Variants in UBAP1 observed in about 807,000 individuals in gnomAD.
UBAP1 encodes ubiquitin-associated protein 1.
A neutral mutation model predicts 39.0 loss-of-function variants in UBAP1; 5 were observed. The observed-to-expected ratio is 0.13, with a 90% CI of 0.07 to 0.27. The LOEUF (loss-of-function observed/expected upper bound fraction) is 0.27. UBAP1 is among the 10% of genes least tolerant of loss of function. UBAP1 has a pLI of 1.00. For synonymous variants in UBAP1, 211 were observed against 225.1 expected (o/e 0.94, Z 0.56); for missense variants, 490 against 608.1 (o/e 0.81, Z 2.04).
chr9:34,185,600 C>T (rs926350749), intron 1 of UBAP1, among the ~76,000 whole-genome samples: 4 of 151,834 alleles, frequency 2.6e-5, no homozygotes, highest in African/African-American at 9.7e-5. Context: ...AATCCTGGCA[C>T]TTGGGGAGGC....
intron 1 of UBAP1, among the ~76,000 whole-genome samples, chr9:34,202,624 CGTGTGTG>C (rs1376145995): frequency 3.7e-5 from 4 of 107,326 alleles, no homozygotes; most frequent in Admixed American, 2.9e-4. Context: ...TAGACAGAAA[CGTGTGTG>C]TGTGTGTGTG....
chr9:34,187,716 T>C (rs1830480606), intron 1 of UBAP1, among the ~76,000 whole-genome samples: 1 of 152,122 alleles, frequency 6.6e-6, no homozygotes, highest in Admixed American at 6.6e-5. Context: ...TGCTTTTTTT[T>C]TTAAACTCTG....
chr9:34,251,616 C>A lies in UBAP1; in HGVS notation c.*84C>A. On this transcript the variant is annotated 3_prime_UTR_variant, in exon 7 of 7. Transcript: ENST00000297661. The stretch of plus-strand genomic sequence containing the variant: ...CCCACCTGTGGGGAAAGAGAAGGGG[C>A]AGCTTCCGGATTTTCTTTTGGGGGT... 6.8e-6 allele frequency: 10 copies of A among 1,474,872 alleles called. No individual in the cohort carries two copies. The highest frequency in any genetic ancestry group is 9.1e-6 in the Non-Finnish European group (10 of 1,099,428). 91.4% of individuals were successfully genotyped at this position (1,474,872 alleles called of 1,614,324 possible).
At chr9:34,190,553 G>A (rs1471652756) in intron 1 of UBAP1, among the ~76,000 whole-genome samples, 4 of 151,586 alleles carry the variant, frequency 2.6e-5, no homozygotes, top group African/African-American at 9.7e-5. Flanking sequence ...GCTTCCCAAA[G>A]TGCTGGGATT....
chr9:34,206,632 A>G (rs1489327911), intron 1 of UBAP1, among the ~76,000 whole-genome samples: 1 of 152,134 alleles, frequency 6.6e-6, no homozygotes, highest in Non-Finnish European at 1.5e-5. Context: ...TTCATAAGCC[A>G]GGTATTTTCT....
intron 1 of UBAP1, among the ~76,000 whole-genome samples, chr9:34,187,281 G>A (rs976623120): frequency 1.3e-5 from 2 of 152,168 alleles, no homozygotes; most frequent in Non-Finnish European, 2.9e-5. Context: ...AAATACAGTA[G>A]TATACCTATC....
At chr9:34,224,581 GC>G in intron 2 of UBAP1, 7 of 443,228 alleles carry the variant, frequency 1.6e-5, no homozygotes, top group Non-Finnish European at 1.9e-5. Flanking sequence ...GCTTTCTCTT[GC>G]CCCCGGTCTT....
chr9:34,184,692 G>T (rs574676840), intron 1 of UBAP1, among the ~76,000 whole-genome samples: 3 of 148,344 alleles, frequency 2.0e-5, no homozygotes, highest in Admixed American at 1.3e-4. Context: ...GCACAATCTC[G>T]GCTCACTGTA....
In UBAP1 at chr9:34,190,221, C is replaced by T. The variant is rs116820068; in HGVS notation, c.-8+10981C>T. 4.9e-3 allele frequency among the ~76,000 whole-genome samples: 752 copies of T among 152,230 alleles called. 5 individuals are homozygous for T. The highest frequency in any genetic ancestry group is 0.017 in the African/African-American group (706 of 41,560). On this transcript the variant is annotated intron_variant, in intron 1 of 6. Transcript: ENST00000297661. ...TTAATAAAATCTTAAACAAAAATCA[C>T]GGAAGGTCTTTAATTGTTTATGTCG...
intron 1 of UBAP1, among the ~76,000 whole-genome samples, chr9:34,190,476 G>A (rs998065735): frequency 6.6e-6 from 1 of 150,558 alleles, no homozygotes; most frequent in Non-Finnish European, 1.5e-5. Context: ...TTTTAGTGGA[G>A]ATGGGGTTTC....
intron 1 of UBAP1, among the ~76,000 whole-genome samples, chr9:34,179,843 A>G (rs985537307): frequency 5.9e-5 from 9 of 152,108 alleles, no homozygotes; most frequent in African/African-American, 9.7e-5. Flanking sequence ...TTCTTGTGGA[A>G]CGTCAGGTTC....
At chr9:34,201,851 C>T (rs1831390698) in intron 1 of UBAP1, among the ~76,000 whole-genome samples, 1 of 152,176 alleles carries the variant, frequency 6.6e-6, no homozygotes, top group East Asian at 1.9e-4. Context: ...TGACCACCAG[C>T]TTCACTCATG....
In UBAP1 at chr9:34,202,624, C is replaced by CGTGTGTGTGT. The variant is rs56012034; in HGVS notation, c.-7-18239_-7-18230dup. Among the ~76,000 whole-genome samples, 517 of 107,350 alleles carry CGTGTGTGTGT rather than the reference C, an allele frequency of 4.8e-3. 4 individuals are homozygous for CGTGTGTGTGT. The highest frequency in any genetic ancestry group is 0.014 in the Middle Eastern group (3 of 222). 70.4% of individuals were successfully genotyped at this position (107,350 alleles called of 152,430 possible). A position where few individuals can be genotyped will look rare whatever the true frequency, so the allele number is the denominator to read the frequency against. ...ATGGGCCAGAAGCTGTAGACAGAAA[C>CGTGTGTGTGT]GTGTGTGTGTGTGTGTGTGTGTGTG... On this transcript the variant is annotated intron_variant, in intron 1 of 6. Transcript: ENST00000297661.
intron 1 of UBAP1, among the ~76,000 whole-genome samples, chr9:34,199,569 G>A (rs1172200112): frequency 1.3e-5 from 2 of 151,796 alleles, no homozygotes; most frequent in Non-Finnish European, 2.9e-5. Context: ...ACCTTGGTAC[G>A]TTAGTATCAA....
chr9:34,241,783 C>A lies in UBAP1; in HGVS notation c.758C>A (p.Ser253Tyr). 6.2e-7 allele frequency: 1 copy of A among 1,614,026 alleles called. No homozygotes were observed. Among genetic ancestry groups the A allele is most frequent in the East Asian group, 2.2e-5 (1 of 44,856 alleles). Reference sequence around the variant, plus strand: ...AAGATGTCACTGTCTTCCAAAGTGTCCCTCCCCCCTATACCTGCAGTAAGC... The same window carrying A: ...AAGATGTCACTGTCTTCCAAAGTGTACCTCCCCCCTATACCTGCAGTAAGC... ...CEKMSLSSKV[S>Y]LPPIPAVSNI... is the part of the protein sequence containing the mutation. The change falls in exon 4 of 7, where the codon TCC becomes TAC. Residue 253 changes from serine to tyrosine, a missense_variant. Physicochemically the swap from Ser to Tyr is moderately radical, Grantham distance 144 (BLOSUM62 -2). Coordinates refer to ENST00000297661, the MANE Select transcript of UBAP1 (RefSeq NM_016525.5).
chr9:34,243,700 G>T (rs1834075532), intron 4 of UBAP1, among the ~76,000 whole-genome samples: 1 of 152,070 alleles, frequency 6.6e-6, no homozygotes, highest in Non-Finnish European at 1.5e-5. Context: ...ATGTTGGCCA[G>T]GCTGGTCTGG....
chr9:34,223,891 GTTTT>G, intron 2 of UBAP1: 1 of 252,886 alleles, frequency 4.0e-6, no homozygotes, highest in Non-Finnish European at 7.6e-6. Flanking sequence ...GGCTTTACTT[GTTTT>G]TTTTGTTTTT....
At chr9:34,181,029 C>T (rs1279286909) in intron 1 of UBAP1, among the ~76,000 whole-genome samples, 6 of 151,436 alleles carry the variant, frequency 4.0e-5, no homozygotes, top group Admixed American at 2.0e-4. Flanking sequence ...AGGCTGGTCT[C>T]GAACTTCTGA....
At chr9:34,182,681 TTCTC>T (rs1437312393) in intron 1 of UBAP1, among the ~76,000 whole-genome samples, 10 of 115,598 alleles carry the variant, frequency 8.7e-5, no homozygotes, top group African/African-American at 2.7e-4. Flanking sequence ...CTTTCTTTCT[TTCTC>T]TCTCTCTTTC....
Sources: gnomAD v4.1 joint callset for allele counts (sites outside exome capture counted in the v4.1 genomes callset) on GRCh38, gnomAD v4.1.1 for gene constraint, MANE v1.5 for transcripts, NCBI Gene and HGNC (gene_info 2026-07-23, HGNC 2026-07-21) for gene names.